The following MARCHF3 variants were observed in gnomAD, a reference collection of about 807,000 sequenced individuals.
The protein encoded by MARCHF3 is membrane associated ring-CH-type finger 3.
In MARCHF3, 13 loss-of-function variants were observed where a neutral mutation model predicts 24.2. The ratio of observed to expected loss-of-function variants is 0.54; its 90% confidence interval spans 0.35 to 0.85. The LOEUF is 0.85. MARCHF3 is among the 40% of genes least tolerant of loss of function. The pLI is 0.01. For missense variants in MARCHF3, 276 were observed against 325.0 expected (o/e 0.85, Z 1.16); for synonymous variants, 144 against 137.3 (o/e 1.05, Z -0.34).
chr5:126,910,429 T>C (rs1445072028), intron 3 of MARCHF3, among the ~76,000 whole-genome samples: 5 of 152,252 alleles, frequency 3.3e-5, no homozygotes, highest in African/African-American at 1.2e-4. Flanking sequence ...CAAGTCATGG[T>C]ATTTTTATGT....
chr5:126,909,544 C>G (rs927928832), intron 3 of MARCHF3, among the ~76,000 whole-genome samples: 1 of 152,304 alleles, frequency 6.6e-6, no homozygotes, highest in South Asian at 2.1e-4. Context: ...TTAAGCCCAT[C>G]GGAAAATCGC....
chr5:126,894,876 G>A (rs1235948929), intron 3 of MARCHF3, among the ~76,000 whole-genome samples: 1 of 151,440 alleles, frequency 6.6e-6, no homozygotes, highest in Non-Finnish European at 1.5e-5. Context: ...GATTGGGGAA[G>A]TTCTCCTGGA....
intron 1 of MARCHF3, among the ~76,000 whole-genome samples, chr5:127,021,750 A>G (rs1377138857): frequency 6.6e-6 from 1 of 152,216 alleles, no homozygotes; most frequent in Non-Finnish European, 1.5e-5. Context: ...ATCACCCAAA[A>G]CACAAAAAAT....
chr5:126,997,671 A>G (rs1183729053), intron 1 of MARCHF3, among the ~76,000 whole-genome samples: 4 of 152,224 alleles, frequency 2.6e-5, no homozygotes, highest in Non-Finnish European at 5.9e-5. Flanking sequence ...TTATTTTTCT[A>G]AATTCCAGTT....
At chr5:126,995,329 A>G (rs1751915366) in intron 1 of MARCHF3, among the ~76,000 whole-genome samples, 1 of 152,174 alleles carries the variant, frequency 6.6e-6, no homozygotes, top group South Asian at 2.1e-4. Flanking sequence ...TGTTCATGAG[A>G]GCTTCTGGCA....
chr5:127,026,097 TAAA>T (rs76667904), intron 1 of MARCHF3, among the ~76,000 whole-genome samples: 2 of 138,250 alleles, frequency 1.4e-5, no homozygotes, highest in African/African-American at 2.6e-5. Flanking sequence ...ATGCCATAGC[TAAA>T]AAAAAAAAAA....
chr5:126,986,873 A>G (rs534418741), intron 1 of MARCHF3, among the ~76,000 whole-genome samples: 19 of 152,338 alleles, frequency 1.2e-4, no homozygotes, highest in African/African-American at 4.6e-4. Flanking sequence ...CAATTGGGAG[A>G]TGAACATCAT....
chr5:126,900,706 T>TA, intron 3 of MARCHF3, among the ~76,000 whole-genome samples: 1 of 151,296 alleles, frequency 6.6e-6, no homozygotes, highest in South Asian at 2.1e-4. Context: ...TTCTTTAATT[T>TA]TTTTTTTTTT....
intron 1 of MARCHF3, among the ~76,000 whole-genome samples, chr5:127,008,988 G>C (rs1373904290): frequency 6.6e-6 from 1 of 151,888 alleles, no homozygotes; most frequent in Non-Finnish European, 1.5e-5. Context: ...TTTTATAGCA[G>C]CAGGATCTGG....
Position 126,915,078 on chromosome 5 carries a change from T to C in MARCHF3, c.245A>G (p.Asp82Gly). 1 of 1,614,106 alleles carries C rather than the reference T, an allele frequency of 6.2e-7. No homozygotes were observed. The highest frequency in any genetic ancestry group is 2.2e-5 in the East Asian group (1 of 44,880). Residue 82 changes from aspartate (D) to glycine (G), a missense_variant, in exon 3 of 5, where the codon GAC (aspartate) becomes GGC (glycine). Physicochemically the swap from Asp to Gly is moderately conservative, Grantham distance 94 (BLOSUM62 -1). Transcript: ENST00000308660. ...RICHEGSSQEDLLSPCECTGT... is the reference protein window; with the variant it reads ...RICHEGSSQEGLLSPCECTGT... ...TGTACATTCACATGGAGAGAGCAAG[T>C]CCTCTTGGCTGCTGCCCTCGTGGCA...
intron 1 of MARCHF3, among the ~76,000 whole-genome samples, chr5:126,954,069 C>A (rs757974850): frequency 6.6e-5 from 10 of 151,846 alleles, no homozygotes; most frequent in Non-Finnish European, 1.2e-4. Flanking sequence ...TTTTTTGAGA[C>A]GGAGTCTCAC....
At chr5:127,009,380 T>C (rs1752409717) in intron 1 of MARCHF3, among the ~76,000 whole-genome samples, 1 of 152,232 alleles carries the variant, frequency 6.6e-6, no homozygotes, top group Non-Finnish European at 1.5e-5. Context: ...TTTTTCTGTA[T>C]GTTAGAGATT....
intron 1 of MARCHF3, among the ~76,000 whole-genome samples, chr5:126,974,426 A>C (rs1427196882): frequency 6.6e-6 from 1 of 152,196 alleles, no homozygotes. Flanking sequence ...TATTGGACCA[A>C]AAGAGCCCTC....
chr5:126,967,543 A>G (rs978856433), intron 1 of MARCHF3, among the ~76,000 whole-genome samples: 1 of 152,036 alleles, frequency 6.6e-6, no homozygotes, highest in Admixed American at 6.5e-5. Context: ...AAATACAAAA[A>G]CTAGCCAGGC....
rs1752892228 is a variant in MARCHF3, at chr5:126,869,567, G to A, written c.*1066C>T. The stretch of plus-strand genomic sequence containing the variant: ...CAAAGGGGTCTTAGAATAAGTGCAG[G>A]GCTGCTAGGACAGGCTTTTTTTTTT... On this transcript the variant is annotated 3_prime_UTR_variant, in exon 5 of 5. Coordinates refer to ENST00000308660, the MANE Select transcript of MARCHF3 (RefSeq NM_178450.5). 7.0e-6 allele frequency: 1 copy of A among 143,608 alleles called. No individual in the cohort carries two copies. The highest frequency in any genetic ancestry group is 2.6e-5 in the African/African-American group (1 of 38,136). 8.9% of individuals were successfully genotyped at this position (143,608 alleles called of 1,614,324 possible).
At chr5:127,021,113 A>G (rs1046258644) in intron 1 of MARCHF3, among the ~76,000 whole-genome samples, 3 of 152,158 alleles carry the variant, frequency 2.0e-5, no homozygotes, top group African/African-American at 7.2e-5. Context: ...GATATCATCA[A>G]CTGACACTGG....
chr5:126,990,538 T>C (rs576912482), intron 1 of MARCHF3, among the ~76,000 whole-genome samples: 13 of 152,222 alleles, frequency 8.5e-5, no homozygotes, highest in Admixed American at 4.6e-4. Context: ...AAAGCCAAAA[T>C]AGGCAAACTG....
chr5:126,997,265 C>T (rs1185587693), intron 1 of MARCHF3, among the ~76,000 whole-genome samples: 23 of 151,950 alleles, frequency 1.5e-4, no homozygotes, highest in Admixed American at 1.5e-3. Flanking sequence ...CAAGTTAATA[C>T]AAAGAGAAAG....
intron 2 of MARCHF3, 129 bp downstream of exon 2, chr5:126,917,855 T>TC: frequency 1.1e-6 from 1 of 925,956 alleles, no homozygotes; most frequent in African/African-American, 1.7e-5. Flanking sequence ...TCTTTTTTTT[T>TC]TTTTTCCAGC....
Sources: gnomAD v4.1 joint callset for allele counts (sites outside exome capture counted in the v4.1 genomes callset) on GRCh38, gnomAD v4.1.1 for gene constraint, MANE v1.5 for transcripts, NCBI Gene and HGNC (gene_info 2026-07-23, HGNC 2026-07-21) for gene names.